The following DMD variants were observed in gnomAD, a reference collection of about 807,000 sequenced individuals.
The protein encoded by DMD is dystrophin.
In DMD, 63 loss-of-function variants were observed where a neutral mutation model predicts 330.1. The observed-to-expected ratio is 0.19, with a 90% CI of 0.16 to 0.24. DMD has a LOEUF of 0.24. DMD is among the 10% of genes least tolerant of loss of function. DMD has a pLI of 1.00. For missense variants in DMD, 3,344 were observed against 2,684.1 expected (o/e 1.25, Z -5.43); for synonymous variants, 1,223 against 959.8 (o/e 1.27, Z -5.07).
intron 12 of DMD, among the ~76,000 whole-genome samples, chrX:32,602,357 G>T (rs1428403553): frequency 1.8e-5 from 2 of 111,253 alleles, no homozygotes; most frequent in African/African-American, 6.5e-5. Flanking sequence ...ATTAAAATCA[G>T]ATTAAAAACC....
intron 4 of DMD, among the ~76,000 whole-genome samples, chrX:32,835,505 G>A (rs1397549313): frequency 8.9e-6 from 1 of 112,681 alleles, no homozygotes; most frequent in Non-Finnish European, 1.9e-5. Context: ...GCACTTAGAA[G>A]TACTTTCTTC....
At chrX:32,338,936 C>A (rs945740288) in intron 41 of DMD, among the ~76,000 whole-genome samples, 1 of 111,680 alleles carries the variant, frequency 9.0e-6, no homozygotes, top group African/African-American at 3.3e-5. Flanking sequence ...TTTCACTGAA[C>A]GAGATATCTG....
chrX:31,458,512 T>G (rs2066322220), intron 59 of DMD, among the ~76,000 whole-genome samples: 1 of 80,597 alleles, frequency 1.2e-5, no homozygotes, highest in South Asian at 6.1e-4. Context: ...AGATGTGATT[T>G]CCAAAAAAAA....
chrX:32,876,687 T>A (rs1448680301), intron 2 of DMD, among the ~76,000 whole-genome samples: 1 of 111,228 alleles, frequency 9.0e-6, no homozygotes, highest in African/African-American at 3.3e-5. Context: ...TGAAAGATAT[T>A]TTTTTTTAAT....
chrX:31,952,974 A>G (rs1174327364), intron 45 of DMD, among the ~76,000 whole-genome samples: 4 of 112,201 alleles, frequency 3.6e-5, no homozygotes, highest in Non-Finnish European at 7.5e-5. Flanking sequence ...CTAGTTTCCT[A>G]GAGGTAAGCA....
chrX:32,606,311 CT>C (rs764027053), intron 12 of DMD, among the ~76,000 whole-genome samples: 7 of 109,963 alleles, frequency 6.4e-5, no homozygotes, highest in Non-Finnish European at 1.2e-4. Flanking sequence ...GCTTATTTCA[CT>C]TAACATAACG....
chrX:32,599,196 T>A (rs2055904362), intron 12 of DMD, among the ~76,000 whole-genome samples: 1 of 112,041 alleles, frequency 8.9e-6, no homozygotes, highest in Non-Finnish European at 1.9e-5. Flanking sequence ...TTAGTGAATA[T>A]AACTGTATTA....
intron 13 of DMD, among the ~76,000 whole-genome samples, chrX:32,595,266 G>T (rs768487719): frequency 1.8e-5 from 2 of 111,311 alleles, no homozygotes; most frequent in Non-Finnish European, 3.8e-5. Context: ...AAATACAGAA[G>T]AGTATAGGCC....
At chrX:32,121,926 A>T (rs1190765293) in intron 44 of DMD, among the ~76,000 whole-genome samples, 3 of 110,004 alleles carry the variant, frequency 2.7e-5, no homozygotes, top group Non-Finnish European at 3.8e-5. Flanking sequence ...CTACAAAGTA[A>T]GGAGTAAACG....
chrX:32,345,122 C>T (rs2097759548), intron 39 of DMD, among the ~76,000 whole-genome samples: 2 of 111,019 alleles, frequency 1.8e-5, no homozygotes, highest in African/African-American at 6.6e-5. Flanking sequence ...TTCATAACTA[C>T]ATAGCTCAAA....
intron 2 of DMD, among the ~76,000 whole-genome samples, chrX:33,015,439 A>C (rs1218340274): frequency 9.0e-6 from 1 of 111,217 alleles, no homozygotes; most frequent in Non-Finnish European, 1.9e-5. Context: ...GCATGTTCTC[A>C]CTTATAGGTG....
At chrX:32,663,753 T>C (rs1272017493) in intron 9 of DMD, among the ~76,000 whole-genome samples, 2 of 111,393 alleles carry the variant, frequency 1.8e-5, no homozygotes, top group African/African-American at 3.3e-5. Flanking sequence ...GTAAGTGTTA[T>C]GGAGAAAAGG....
chrX:31,330,250 C>T (rs1289228992), intron 61 of DMD, among the ~76,000 whole-genome samples: 2 of 106,067 alleles, frequency 1.9e-5, no homozygotes, highest in Non-Finnish European at 3.9e-5. Flanking sequence ...TGGAGGAAAA[C>T]AAAAGGGAAT....
chrX:31,828,221 G>C (rs2092932559), intron 49 of DMD, among the ~76,000 whole-genome samples: 1 of 111,947 alleles, frequency 8.9e-6, no homozygotes, highest in Admixed American at 9.5e-5. Flanking sequence ...AATGAAACTG[G>C]AAACACTACA....
At chrX:31,128,162 T>C (rs1257685554) in intron 77 of DMD, among the ~76,000 whole-genome samples, 1 of 111,448 alleles carries the variant, frequency 9.0e-6, no homozygotes, top group Non-Finnish European at 1.9e-5. Flanking sequence ...TTTAGCAAGG[T>C]TTTTTTAAAA....
intron 69 of DMD, among the ~76,000 whole-genome samples, 179 bp downstream of exon 69, chrX:31,180,191 C>T (rs1378430071): frequency 8.9e-6 from 1 of 111,815 alleles, no homozygotes; most frequent in Non-Finnish European, 1.9e-5. Context: ...ATGTGCCAGG[C>T]ACTCCCCTAG....
At chrX:31,264,173 T>C (rs1002710476) in intron 62 of DMD, among the ~76,000 whole-genome samples, 1 of 112,231 alleles carries the variant, frequency 8.9e-6, no homozygotes, top group African/African-American at 3.2e-5. Context: ...GCCTGCCTTC[T>C]AAAACAGTAG....
intron 47 of DMD, among the ~76,000 whole-genome samples, chrX:31,917,866 C>T (rs2094630089): frequency 8.9e-6 from 1 of 112,133 alleles, no homozygotes; most frequent in African/African-American, 3.2e-5. Flanking sequence ...CATAAACACT[C>T]ACATGGGGAC....
At chrX:31,185,774 G>T (rs768105601) in intron 67 of DMD, among the ~76,000 whole-genome samples, 34 of 100,072 alleles carry the variant, frequency 3.4e-4, no homozygotes, top group East Asian at 6.2e-4. Flanking sequence ...TATGTTTTTT[G>T]TTTTTTTTTT....
Sources: allele counts gnomAD v4.1 joint callset (sites outside exome capture counted in the v4.1 genomes callset), GRCh38; gene constraint gnomAD v4.1.1; transcripts MANE v1.5; gene names NCBI Gene and HGNC (gene_info 2026-07-23, HGNC 2026-07-21).